ABCB1: variants seen among roughly 807,000 people sequenced by gnomAD.
ABCB1 encodes ATP-dependent translocase ABCB1.
In ABCB1, 69 loss-of-function variants were observed where a neutral mutation model predicts 142.0. That is an observed-to-expected ratio of 0.49 (90% CI 0.40 to 0.59). The LOEUF (loss-of-function observed/expected upper bound fraction) is 0.59, where lower values mean the gene tolerates loss of function less well. ABCB1 is among the 20% of genes least tolerant of loss of function. The pLI is 0.00. For missense variants in ABCB1, 1,326 were observed against 1,554.7 expected (o/e 0.85, Z 2.47); for synonymous variants, 532 against 539.2 (o/e 0.99, Z 0.18).
rs752466024 is a variant in ABCB1 at position 87,561,391 on chromosome 7, T to C, written c.703-4A>G. 4.3e-6 allele frequency: 7 copies of C among 1,609,864 alleles called. No individual in the cohort carries two copies. Among genetic ancestry groups the C allele is most frequent in the Non-Finnish European group, 5.9e-6 (7 of 1,177,780 alleles). Reference sequence around the variant, plus strand: ...TATCAGTAAATGAAGATAGTATCTGTTTAAAAATACAATTTTGGATCATGA... The same window carrying C: ...TATCAGTAAATGAAGATAGTATCTGCTTAAAAATACAATTTTGGATCATGA... On this transcript the variant is annotated splice_polypyrimidine_tract_variant and splice_region_variant and intron_variant, in intron 7 of 27. Coordinates refer to ENST00000622132, the MANE Select transcript of ABCB1 (RefSeq NM_001348946.2).
chr7:87,626,091 T>TATATATAGTCATATATATGTGTC lies in ABCB1; in HGVS notation c.-330-25014_-330-25013insGACACATATATATGACTATATAT, dbSNP rs1563079474. ...CCAGGCTGAGACATATATATATATATATATATATTGTCATATATATGTGTC... is the reference window on the plus strand; with the variant it reads ...CCAGGCTGAGACATATATATATATATATATATAGTCATATATATGTGTCATATATATTGTCATATATATGTGTC... On this transcript the variant is annotated intron_variant, in intron 1 of 28. Coordinates refer to the ABCB1 transcript ENST00000265724. 8.9e-4 allele frequency among the ~76,000 whole-genome samples: 85 copies of TATATATAGTCATATATATGTGTC among 95,814 alleles called. 6 individuals are homozygous for TATATATAGTCATATATATGTGTC. The highest frequency in any genetic ancestry group is 2.5e-3 in the South Asian group (8 of 3,204). 62.9% of individuals were successfully genotyped at this position (95,814 alleles called of 152,430 possible). A position where few individuals can be genotyped will look rare whatever the true frequency, so the allele number is the denominator to read the frequency against.
chr7:87,512,902 T>C (rs1386967680), intron 25 of ABCB1, among the ~76,000 whole-genome samples: 1 of 152,226 alleles, frequency 6.6e-6, no homozygotes, highest in African/African-American at 2.4e-5. Context: ...GCACTCAGCA[T>C]TCATTTTCAT....
rs771429713 is a variant in ABCB1, at chr7:87,549,885, G to A, written c.1520C>T (p.Ala507Val). 15 of 1,613,994 alleles carry A rather than the reference G, an allele frequency of 9.3e-6. No individual in the cohort carries two copies. In the African/African-American group the frequency reaches 1.6e-4, roughly 17 times the overall value. The stretch of plus-strand genomic sequence containing the variant: ...TTTCATGATAAAGTCATAGGCATTG[G>A]CTTCCTTGACAGCTTTCTCAATCTC... ...MDEIEKAVKE[A>V]NAYDFIMKLP... The change falls in exon 13 of 28, where the codon GCC becomes GTC. Residue 507 changes from alanine (A) to valine (V), a missense_variant. Ala to Val is a moderately conservative substitution (Grantham distance 64, BLOSUM62 0). Transcript: ENST00000622132.
Position 87,511,642 on chromosome 7 carries a change from A to G in ABCB1, c.3283-2161T>C, listed in dbSNP as rs1815013680. ...CCATTTTACTGATAAGGAAATGAGC[A>G]AAGTTAAGTAACTTATACAAGGTCA... On this transcript the variant is annotated intron_variant, in intron 25 of 27. Transcript: ENST00000622132. Among the ~76,000 whole-genome samples the G allele has an allele frequency of 1.3e-5, 2 of 152,242 alleles. 1 individual carries two copies. The highest frequency in any genetic ancestry group is 4.1e-4 in the South Asian group (2 of 4,828).
rs775649461 is a variant in ABCB1 at position 87,626,009 on chromosome 7, C to CAT, written c.-330-24933_-330-24932dup. Among the ~76,000 whole-genome samples, 361 of 112,094 alleles carry CAT rather than the reference C, an allele frequency of 3.2e-3. 4 individuals carry two copies. The highest frequency in any genetic ancestry group is 8.8e-3 in the East Asian group (35 of 3,956). 73.5% of individuals were successfully genotyped at this position (112,094 alleles called of 152,430 possible). A position where few individuals can be genotyped will look rare whatever the true frequency, so the allele number is the denominator to read the frequency against. The stretch of plus-strand genomic sequence containing the variant: ...ATATGTACATATATATGTATATGTA[C>CAT]ATATATATATATATAGAGAGAGAGA... On this transcript the variant is annotated intron_variant, in intron 1 of 28. Transcript: ENST00000265724.
intron 1 of ABCB1, among the ~76,000 whole-genome samples, chr7:87,606,419 T>C (rs1164526714): frequency 6.6e-6 from 1 of 152,116 alleles, no homozygotes; most frequent in African/African-American, 2.4e-5. Context: ...AAATCTATCT[T>C]AAAGAAATAA....
intron 1 of ABCB1, among the ~76,000 whole-genome samples, chr7:87,695,319 A>C (rs147859092): frequency 6.6e-6 from 1 of 152,254 alleles, no homozygotes; most frequent in East Asian, 1.9e-4. Context: ...CTGAACTTTT[A>C]CAGAAATGGA....
intron 20 of ABCB1, chr7:87,531,721 A>G: frequency 3.7e-6 from 2 of 534,574 alleles, no homozygotes; most frequent in South Asian, 4.3e-5. Context: ...TCAATTACAT[A>G]TTCCTATCTC....
chr7:87,581,481 T>G (rs527510803), intron 4 of ABCB1, among the ~76,000 whole-genome samples: 7 of 150,000 alleles, frequency 4.7e-5, no homozygotes, highest in Non-Finnish European at 8.9e-5. Context: ...AAAAAAAAAG[T>G]GATATGACAG....
At chr7:87,621,271 T>C (rs1016476718) in intron 1 of ABCB1, among the ~76,000 whole-genome samples, 1 of 152,112 alleles carries the variant, frequency 6.6e-6, no homozygotes, top group African/African-American at 2.4e-5. Flanking sequence ...TACCAGGCTT[T>C]GCCACTTATT....
chr7:87,700,367 A>T (rs1828921400), intron 1 of ABCB1: 1 of 1,410,036 alleles, frequency 7.1e-7, no homozygotes, highest in South Asian at 1.3e-5. Context: ...TGCATTTTCA[A>T]GTCTAGTTTT....
chr7:87,514,473 T>C (rs1428146031), intron 25 of ABCB1, among the ~76,000 whole-genome samples: 1 of 152,166 alleles, frequency 6.6e-6, no homozygotes, highest in Non-Finnish European at 1.5e-5. Flanking sequence ...TCCATGTTCT[T>C]TTTACATTTC....
At chr7:87,610,883 G>A (rs1819827797) in intron 1 of ABCB1, among the ~76,000 whole-genome samples, 1 of 152,166 alleles carries the variant, frequency 6.6e-6, no homozygotes, top group Non-Finnish European at 1.5e-5. Flanking sequence ...AAACCTGGAG[G>A]AAGGGGAGAG....
intron 4 of ABCB1, among the ~76,000 whole-genome samples, chr7:87,581,025 T>C (rs370295521): frequency 1.3e-5 from 2 of 152,134 alleles, no homozygotes; most frequent in East Asian, 3.9e-4. Context: ...GTTGTTCAAT[T>C]TGGTGTTCCT....
chr7:87,545,936 A>T lies in ABCB1; in HGVS notation c.1814T>A (p.Val605Asp). The T allele has an allele frequency of 6.2e-7, 1 of 1,614,062 alleles. No homozygotes were observed. Among genetic ancestry groups the T allele is most frequent in the Non-Finnish European group, 8.5e-7 (1 of 1,179,990 alleles). The change falls in exon 15 of 28, where the codon GTC becomes GAC. Residue 605 changes from valine to aspartate, a missense_variant. Physicochemically the swap from Val to Asp is radical, Grantham distance 152. Coordinates refer to ENST00000622132, the MANE Select transcript of ABCB1 (RefSeq NM_001348946.2). ...ADVIAGFDDGVIVEKGNHDEL... is the reference protein window; with the variant it reads ...ADVIAGFDDGDIVEKGNHDEL... ...ATCATGATTTCCTTTCTCCACAATGACTCCATCATCGAAACCAGCGATGAC... is the reference window on the plus strand; with the variant it reads ...ATCATGATTTCCTTTCTCCACAATGTCTCCATCATCGAAACCAGCGATGAC...
intron 8 of ABCB1, among the ~76,000 whole-genome samples, chr7:87,557,604 G>GT (rs1817360199): frequency 6.6e-6 from 1 of 152,182 alleles, no homozygotes; most frequent in Non-Finnish European, 1.5e-5. Context: ...ATATAGCTGT[G>GT]TAAGTCCATT....
Position 87,539,265 on chromosome 7 carries a change from T to C in ABCB1, c.2397+3A>G, listed in dbSNP as rs28381943. On this transcript the variant is annotated splice_donor_region_variant and intron_variant, in intron 19 of 27. Coordinates refer to ENST00000622132, the MANE Select transcript of ABCB1 (RefSeq NM_001348946.2). ...CCCAGGGCACAGCCCTCGATAGACATACCTGTCTGAGCATGGATCGGAAAA... is the reference window on the plus strand; with the variant it reads ...CCCAGGGCACAGCCCTCGATAGACACACCTGTCTGAGCATGGATCGGAAAA... 41 of 1,613,858 alleles carry C rather than the reference T, an allele frequency of 2.5e-5. 1 individual carries two copies. In the African/African-American group the frequency reaches 5.3e-4, roughly 21 times the overall value.
intron 25 of ABCB1, among the ~76,000 whole-genome samples, chr7:87,512,056 C>T (rs1815035715): frequency 6.6e-6 from 1 of 151,796 alleles, no homozygotes; most frequent in Admixed American, 6.6e-5. Flanking sequence ...AAGCTCTTCC[C>T]TGTAAGTATT....
chr7:87,660,471 T>C (rs1419224767), intron 1 of ABCB1, among the ~76,000 whole-genome samples: 2 of 152,122 alleles, frequency 1.3e-5, no homozygotes, highest in Non-Finnish European at 2.9e-5. Context: ...ATTAAAGCTC[T>C]CTAAAGAGAT....
Sources: allele counts gnomAD v4.1 joint callset (sites outside exome capture counted in the v4.1 genomes callset), GRCh38; gene constraint gnomAD v4.1.1; transcripts MANE v1.5; gene names NCBI Gene and HGNC (gene_info 2026-07-23, HGNC 2026-07-21).